NDUFA8: variants seen among roughly 807,000 people sequenced by gnomAD.
NDUFA8 encodes the protein NADH dehydrogenase [ubiquinone] 1 alpha subcomplex subunit 8.
In NDUFA8, 16 loss-of-function variants were observed where a neutral mutation model predicts 20.9. That is an observed-to-expected ratio of 0.77 (90% CI 0.52 to 1.16). NDUFA8 has a LOEUF of 1.16. Among genes scored for constraint, NDUFA8 ranks in the 50% most tolerant of loss-of-function variants. The probability of loss-of-function intolerance (pLI) is 0.00; values close to 1 mark genes in which losing one functional copy is unlikely to be tolerated. For synonymous variants in NDUFA8, 70 were observed against 76.1 expected (o/e 0.92, Z 0.41); for missense variants, 202 against 216.4 (o/e 0.93, Z 0.42).
intron 3 of NDUFA8, among the ~76,000 whole-genome samples, chr9:122,146,039 C>T (rs1365205947): frequency 1.3e-5 from 2 of 152,150 alleles, no homozygotes; most frequent in African/African-American, 2.4e-5. Flanking sequence ...ATCCCAGCTA[C>T]TCAAGAGGCT....
At chr9:122,142,587 T>A (rs1005149358), downstream of NDUFA8, among the ~76,000 whole-genome samples, 2 of 152,220 alleles carry the variant, frequency 1.3e-5, no homozygotes, top group African/African-American at 4.8e-5. Context: ...GTATCCTGTA[T>A]CTACCACTTC....
At chr9:122,154,081 G>A (rs1829041955) in intron 1 of NDUFA8, among the ~76,000 whole-genome samples, 1 of 152,230 alleles carries the variant, frequency 6.6e-6, no homozygotes, top group African/African-American at 2.4e-5. Context: ...AAGAGCCCCT[G>A]AGTGGTCTGT....
At chr9:122,135,884 C>T in the NDUFA8 span, among the ~76,000 whole-genome samples, 2 of 152,176 alleles carry the variant, frequency 1.3e-5, no homozygotes, top group African/African-American at 4.8e-5. Flanking sequence ...CCACCATGCC[C>T]GGCCTAGCCC....
chr9:122,136,587 C>T, the NDUFA8 span, among the ~76,000 whole-genome samples: 48 of 151,596 alleles, frequency 3.2e-4, no homozygotes, highest in Non-Finnish European at 5.3e-4. Flanking sequence ...GACGGAGTCT[C>T]GCTCTGTCAC....
the NDUFA8 span, among the ~76,000 whole-genome samples, chr9:122,138,218 A>G: frequency 6.6e-6 from 1 of 152,236 alleles, no homozygotes. Context: ...GCTTCCAGAA[A>G]GGGTATGCCT....
chr9:122,134,253 C>T, the NDUFA8 span, among the ~76,000 whole-genome samples: 2 of 152,168 alleles, frequency 1.3e-5, no homozygotes, highest in Non-Finnish European at 2.9e-5. Flanking sequence ...TCAAGCATTT[C>T]CGCATGTGTT....
At chr9:122,156,434 C>T (rs1358655691) in intron 1 of NDUFA8, among the ~76,000 whole-genome samples, 1 of 152,136 alleles carries the variant, frequency 6.6e-6, no homozygotes, top group East Asian at 1.9e-4. Flanking sequence ...TTATGTAAAA[C>T]AGAGAATAGT....
chr9:122,154,363 T>G (rs963298202), intron 1 of NDUFA8, among the ~76,000 whole-genome samples: 5 of 152,262 alleles, frequency 3.3e-5, no homozygotes, highest in Non-Finnish European at 5.9e-5. Flanking sequence ...TCTCCATTTA[T>G]TCATATTCAA....
chr9:122,151,215 C>T (rs1828991692), intron 2 of NDUFA8, among the ~76,000 whole-genome samples: 1 of 152,050 alleles, frequency 6.6e-6, no homozygotes, highest in Non-Finnish European at 1.5e-5. Flanking sequence ...TGGTTTCTGC[C>T]TAGCCAGCAG....
intron 2 of NDUFA8, among the ~76,000 whole-genome samples, chr9:122,150,667 A>G (rs1266949071): frequency 6.6e-6 from 1 of 151,900 alleles, no homozygotes; most frequent in Admixed American, 6.6e-5. Context: ...ATAATATATA[A>G]CCATTAAGAA....
chr9:122,154,214 T>C (rs1829045139), intron 1 of NDUFA8, among the ~76,000 whole-genome samples: 1 of 152,238 alleles, frequency 6.6e-6, no homozygotes, highest in Non-Finnish European at 1.5e-5. Context: ...TTGACTACGG[T>C]ACACACCAAG....
chr9:122,141,173 GAAGT>G (rs1828814550), downstream of NDUFA8, among the ~76,000 whole-genome samples: 1 of 152,190 alleles, frequency 6.6e-6, no homozygotes, highest in African/African-American at 2.4e-5. Flanking sequence ...TACATAAGAA[GAAGT>G]AAGATAATGA....
At chr9:122,158,177 C>T (rs1410756139) in intron 1 of NDUFA8, among the ~76,000 whole-genome samples, 3 of 152,068 alleles carry the variant, frequency 2.0e-5, no homozygotes, top group African/African-American at 7.2e-5. Flanking sequence ...AAACAAAACA[C>T]TTAACATAGT....
chr9:122,149,208 G>A (rs1407887526), intron 2 of NDUFA8, among the ~76,000 whole-genome samples: 2 of 152,144 alleles, frequency 1.3e-5, no homozygotes, highest in Admixed American at 1.3e-4. Context: ...AGGAAGGAAG[G>A]ATCTCAGAGA....
the NDUFA8 span, among the ~76,000 whole-genome samples, chr9:122,137,091 G>T: frequency 6.6e-6 from 1 of 152,088 alleles, no homozygotes; most frequent in African/African-American, 2.4e-5. Context: ...GATCGAATTT[G>T]GCCCAATCAA....
At position 122,144,357 on chromosome 9, in the gene NDUFA8, G is replaced by C; in HGVS notation, c.403C>G (p.Arg135Gly). The change falls in exon 4 of 4, where the codon CGA becomes GGA. Residue 135 changes from arginine (R) to glycine (G), a missense_variant. By Grantham distance (125) the Arg-to-Gly change is moderately radical. Transcript: ENST00000373768. ...LSKVTKVKTDRPLPENPYHSR... is the reference protein window; with the variant it reads ...LSKVTKVKTDGPLPENPYHSR... ...TGATAGGGATTCTCCGGTAAAGGTCGATCTGTTTTCACTTTGGTGACCTGG... is the reference window on the plus strand; with the variant it reads ...TGATAGGGATTCTCCGGTAAAGGTCCATCTGTTTTCACTTTGGTGACCTGG... 6.2e-7 allele frequency: 1 copy of C among 1,614,118 alleles called. No homozygotes were observed. The highest frequency in any genetic ancestry group is 8.5e-7 in the Non-Finnish European group (1 of 1,179,990).
downstream of NDUFA8, among the ~76,000 whole-genome samples, chr9:122,140,313 A>C (rs181170412): frequency 1.2e-3 from 189 of 152,360 alleles, no homozygotes; most frequent in African/African-American, 4.4e-3. Context: ...TCACAACCTC[A>C]AACTGAGACT....
rs1828862219 is a variant in NDUFA8, at chr9:122,144,161, A to G, written c.*80T>C. Reference sequence around the variant, plus strand: ...TTTGTGATCCCGGAAAGAACACACTATCAGTCGATGCAAACCGCATGGGCG... The same window carrying G: ...TTTGTGATCCCGGAAAGAACACACTGTCAGTCGATGCAAACCGCATGGGCG... On this transcript the variant is annotated 3_prime_UTR_variant, in exon 4 of 4. Transcript: ENST00000373768. 3.7e-6 allele frequency: 6 copies of G among 1,610,334 alleles called. No individual in the cohort carries two copies. Among genetic ancestry groups the G allele is most frequent in the Non-Finnish European group, 5.1e-6 (6 of 1,179,248 alleles).
At chr9:122,132,846 G>T in the NDUFA8 span, 5 of 443,316 alleles carry the variant, frequency 1.1e-5, no homozygotes, top group African/African-American at 1.0e-4. Context: ...CTGGCTTCAC[G>T]CATGCTCTTG....
Sources: gnomAD v4.1 joint callset for allele counts (sites outside exome capture counted in the v4.1 genomes callset) on GRCh38, gnomAD v4.1.1 for gene constraint, MANE v1.5 for transcripts, NCBI Gene and HGNC (gene_info 2026-07-23, HGNC 2026-07-21) for gene names.